PNCK: variants seen among roughly 807,000 people sequenced by gnomAD.
PNCK encodes pregnancy up-regulated nonubiquitous CaM kinase, also known as calcium/calmodulin-dependent protein kinase type 1B.
A neutral mutation model predicts 28.3 loss-of-function variants in PNCK; 21 were observed. The observed-to-expected ratio is 0.74, with a 90% CI of 0.53 to 1.07. The LOEUF is 1.07. Ranked by LOEUF, PNCK falls within the 50% of genes least tolerant of loss-of-function variation. The pLI is 0.00. For synonymous variants in PNCK, 136 were observed against 125.2 expected (o/e 1.09, Z -0.58); for missense variants, 250 against 298.3 (o/e 0.84, Z 1.19).
upstream of PNCK, among the ~76,000 whole-genome samples, chrX:153,677,967 T>C (rs193085439): frequency 3.3e-3 from 360 of 108,069 alleles, 2 homozygotes; most frequent in African/African-American, 0.012. Context: ...CAAGCCCATA[T>C]AATACCCATT....
chrX:153,675,306 A>G (rs1557041376), upstream of PNCK: 1 of 111,758 alleles, frequency 8.9e-6, no homozygotes, highest in African/African-American at 3.3e-5. Flanking sequence ...GTAATAAAAA[A>G]CTGCCCGCGT....
At chrX:153,674,328 C>A, upstream of PNCK, 2 of 755,532 alleles carry the variant, frequency 2.6e-6, no homozygotes, top group Non-Finnish European at 3.7e-6. Context: ...GAGATCATGT[C>A]ACCCTCCTGC....
At chrX:153,677,482 C>A (rs979663129), upstream of PNCK, among the ~76,000 whole-genome samples, 5 of 108,550 alleles carry the variant, frequency 4.6e-5, no homozygotes, top group East Asian at 1.4e-3. Context: ...TGCTTCTAGG[C>A]CCTCTCCACT....
upstream of PNCK, among the ~76,000 whole-genome samples, chrX:153,676,725 A>G (rs2091367908): frequency 9.1e-6 from 1 of 109,949 alleles, no homozygotes; most frequent in African/African-American, 3.3e-5. Context: ...TTAGCCGGGC[A>G]TGGTGGCTCA....
At chrX:153,675,853 C>T (rs180858965), upstream of PNCK, among the ~76,000 whole-genome samples, 965 of 105,203 alleles carry the variant, frequency 9.2e-3, 11 homozygotes, top group African/African-American at 0.035. Context: ...AGAGAAATTA[C>T]ACCCTCCGGC....
In PNCK at chrX:153,670,453, G is replaced by C; in HGVS notation, c.*4C>G. On this transcript the variant is annotated 3_prime_UTR_variant, in exon 11 of 12. Coordinates refer to ENST00000340888, the MANE Select transcript of PNCK (RefSeq NM_001366977.1). ...TGCAGGGTCCACCCAAACACACCTG[G>C]GCATCACCACTTGGGGGGCTGGCCA... The C allele has an allele frequency of 8.3e-7, 1 of 1,211,425 alleles. No individual in the cohort carries two copies. Among genetic ancestry groups the C allele is most frequent in the Non-Finnish European group, 1.1e-6 (1 of 895,476 alleles).
chrX:153,680,959 G>A (rs1412762871), intron 1 of PNCK, among the ~76,000 whole-genome samples: 1 of 106,910 alleles, frequency 9.4e-6, no homozygotes, highest in Non-Finnish European at 1.9e-5. Context: ...AGCCCAGGAG[G>A]CGGAGGTTGC....
At chrX:153,675,532 ATTG>A (rs1427776670), upstream of PNCK, among the ~76,000 whole-genome samples, 2 of 109,784 alleles carry the variant, frequency 1.8e-5, no homozygotes, top group Admixed American at 9.6e-5. Context: ...TTGGTTTGTT[ATTG>A]TTGTTGTTGT....
At position 153,670,525 on chromosome X, in the gene PNCK, C is replaced by A; in HGVS notation, c.964G>T (p.Ala322Ser). The A allele has an allele frequency of 3.3e-6, 4 of 1,209,731 alleles. No homozygotes were observed. The South Asian group carries it at 7.1e-5, about 21-fold the overall frequency. Residue 322 changes from alanine to serine, a missense_variant, in exon 11 of 12, where the codon GCC (alanine) becomes TCC (serine). Ala to Ser is a moderately conservative substitution (Grantham distance 99). Transcript: ENST00000340888. ...TGGCGGGCCATGCCCTGCTCAGAGG[C>A]CCCCTCGCCCTCTGGGATCTGCCCC... ...KLGQIPEGEG[A>S]SEQGMARHSH...
upstream of PNCK, chrX:153,673,884 C>T: frequency 2.7e-5 from 23 of 862,248 alleles, no homozygotes; most frequent in Non-Finnish European, 3.2e-5. Context: ...CCGCCAGCCG[C>T]CCAAGCACGC....
At chrX:153,673,838 C>T (rs1288986781), upstream of PNCK, 1 of 753,943 alleles carries the variant, frequency 1.3e-6, no homozygotes, top group Non-Finnish European at 1.6e-6. Context: ...GCCCCCCGCC[C>T]GCGCCCCGCC....
chrX:153,677,808 G>T (rs1355362594), upstream of PNCK, among the ~76,000 whole-genome samples: 1 of 104,129 alleles, frequency 9.6e-6, no homozygotes, highest in East Asian at 3.0e-4. Flanking sequence ...TATATATAGT[G>T]TGTATGTATA....
rs781944787 is a variant in PNCK at position 153,672,592 on chromosome X, C to T, written c.174G>A (p.Val58=). The part of the protein sequence containing the change: ...KKALRGKEAL[V]ENEIAVLRRI... ...TACGGAGCACTGCGATCTCGTTCTC[C>T]ACCAGGGCCTCCTTGCCCCGGAGGG... Residue 58 remains valine (V), a synonymous_variant, in exon 3 of 12, where the codon GTG becomes GTA. Transcript: ENST00000340888. The T allele has an allele frequency of 4.1e-6, 5 of 1,207,872 alleles. No individual in the cohort carries two copies. The South Asian group carries it at 8.8e-5, about 21-fold the overall frequency.
chrX:153,682,075 G>A (rs1329966383), intron 1 of PNCK, among the ~76,000 whole-genome samples: 2 of 110,619 alleles, frequency 1.8e-5, no homozygotes, highest in African/African-American at 6.6e-5. Flanking sequence ...TGCAACCTCC[G>A]CCTCCTGGGT....
rs141163387 is a variant in PNCK, at chrX:153,671,393, G to C, written c.539-33C>G. On this transcript the variant is annotated intron_variant, in intron 6 of 11. Transcript: ENST00000340888. ...CCAGAGACAGACAGACGCACGCACA[G>C]GCACACACGCAGCCATGCCGCTCAG... 1.2e-3 allele frequency: 1,465 copies of C among 1,210,478 alleles called. 11 individuals are homozygous for C. In the African/African-American group the frequency reaches 0.023, roughly 19 times the overall value.
At position 153,672,199 on chromosome X, in the gene PNCK, T is replaced by C; in HGVS notation, c.202A>G (p.Ile68Val). The change falls in exon 4 of 12, where the codon ATC becomes GTC. Residue 68 changes from isoleucine (I) to valine (V), a missense_variant and splice_region_variant. By Grantham distance (29) the Ile-to-Val change is conservative (BLOSUM62 3). Coordinates refer to ENST00000340888, the MANE Select transcript of PNCK (RefSeq NM_001366977.1). ...VENEIAVLRR[I>V]SHPNIVALED... ...AGAGCGACGATGTTGGGGTGACTGATCCTGCAATGGCAAGGAAGCGCCTGT... is the reference window on the plus strand; with the variant it reads ...AGAGCGACGATGTTGGGGTGACTGACCCTGCAATGGCAAGGAAGCGCCTGT... The C allele has an allele frequency of 1.7e-6, 2 of 1,202,580 alleles. No homozygotes were observed. The highest frequency in any genetic ancestry group is 2.2e-6 in the Non-Finnish European group (2 of 890,942).
intron 1 of PNCK, among the ~76,000 whole-genome samples, chrX:153,682,100 A>T (rs2148351896): frequency 9.0e-6 from 1 of 110,938 alleles, no homozygotes; most frequent in South Asian, 3.8e-4. Flanking sequence ...ACAATTCTCC[A>T]GCCCCAGCCT....
At chrX:153,677,522 A>G (rs937922187), upstream of PNCK, among the ~76,000 whole-genome samples, 14 of 106,947 alleles carry the variant, frequency 1.3e-4, no homozygotes, top group Non-Finnish European at 2.5e-4. Context: ...GTGTGTGTGT[A>G]TATACATATA....
At position 153,670,073 on chromosome X, in the gene PNCK, C is replaced by T. The variant is rs2091274278; in HGVS notation, c.*65G>A. Reference sequence around the variant, plus strand: ...CAGGGGGAGGGGTTGGGGGAGGGGACCGAAAGCATCCAAGGGAAGGAAATC... The same window carrying T: ...CAGGGGGAGGGGTTGGGGGAGGGGATCGAAAGCATCCAAGGGAAGGAAATC... On this transcript the variant is annotated 3_prime_UTR_variant, in exon 12 of 12. Transcript: ENST00000340888. The T allele has an allele frequency of 5.7e-5, 16 of 278,432 alleles. No individual in the cohort carries two copies. The highest frequency in any genetic ancestry group is 4.9e-4 in the South Asian group (14 of 28,678). The allele number at this position is 278,432 out of a possible 1,213,427, so 22.9% of individuals were successfully genotyped here.
Sources: gnomAD v4.1 joint callset for allele counts (sites outside exome capture counted in the v4.1 genomes callset) on GRCh38, gnomAD v4.1.1 for gene constraint, MANE v1.5 for transcripts, NCBI Gene and HGNC (gene_info 2026-07-23, HGNC 2026-07-21) for gene names.